THRB: variants seen among roughly 807,000 people sequenced by gnomAD.
THRB encodes nuclear receptor subfamily 1 group A member 2.
Under a neutral mutation model 47.8 loss-of-function variants are expected in THRB, and 12 were observed. That is an observed-to-expected ratio of 0.25 (90% CI 0.16 to 0.41). THRB has a LOEUF of 0.41. THRB is among the 10% of genes least tolerant of loss of function. THRB has a pLI of 1.00. For synonymous variants in THRB, 218 were observed against 212.2 expected (o/e 1.03, Z -0.24); for missense variants, 348 against 589.2 (o/e 0.59, Z 4.24).
intron 4 of THRB, among the ~76,000 whole-genome samples, chr3:24,205,307 G>T (rs111791157): frequency 6.6e-6 from 1 of 152,086 alleles, no homozygotes; most frequent in African/African-American, 2.4e-5. Flanking sequence ...CAGATCTCTC[G>T]GCAGAAACTC....
At chr3:24,370,052 A>G (rs2064788418) in intron 1 of THRB, among the ~76,000 whole-genome samples, 1 of 152,196 alleles carries the variant, frequency 6.6e-6, no homozygotes, top group Non-Finnish European at 1.5e-5. Context: ...GATGAAATAT[A>G]TGTTACTAAA....
At chr3:24,408,338 C>G (rs1258571062) in intron 1 of THRB, among the ~76,000 whole-genome samples, 1 of 151,834 alleles carries the variant, frequency 6.6e-6, no homozygotes, top group Non-Finnish European at 1.5e-5. Flanking sequence ...AAGGGAGTAA[C>G]ATTTGTTTCA....
At chr3:24,194,598 G>GA (rs1346110807) in intron 4 of THRB, among the ~76,000 whole-genome samples, 2 of 152,294 alleles carry the variant, frequency 1.3e-5, no homozygotes, top group Non-Finnish European at 2.9e-5. Flanking sequence ...GTTTAGGCTT[G>GA]AATGATTAGG....
intron 1 of THRB, among the ~76,000 whole-genome samples, chr3:24,451,584 A>G (rs2072660922): frequency 6.6e-6 from 1 of 152,160 alleles, no homozygotes; most frequent in Non-Finnish European, 1.5e-5. Context: ...AGAAGGAAGC[A>G]TTCCTGGTTC....
chr3:24,203,601 T>C (rs1220886473), intron 4 of THRB, among the ~76,000 whole-genome samples: 2 of 152,182 alleles, frequency 1.3e-5, no homozygotes, highest in Admixed American at 1.3e-4. Context: ...ATGGGTGATT[T>C]CTGCATTTCC....
chr3:24,349,545 A>G (rs2063231452), intron 1 of THRB, among the ~76,000 whole-genome samples: 2 of 152,120 alleles, frequency 1.3e-5, no homozygotes, highest in Admixed American at 1.3e-4. Flanking sequence ...AAAAACAGAA[A>G]CACATATACC....
In THRB at chr3:24,168,490, A is replaced by ATATATATATATATATATATATATATAT. The variant is rs1559499553; in HGVS notation, c.284-16001_284-16000insATATATATATATATATATATATATATA. ...TCCGATTAGAAGTGTTTCAATCAAT[A>ATATATATATATATATATATATATATAT]ATATATATATATATATATATGCGCC... is the stretch of plus-strand genomic sequence containing the variant. On this transcript the variant is annotated intron_variant, in intron 5 of 10. Coordinates refer to ENST00000646209, the MANE Select transcript of THRB (RefSeq NM_001354712.2). Among the ~76,000 whole-genome samples, 1,024 of 137,702 alleles carry ATATATATATATATATATATATATATAT rather than the reference A, an allele frequency of 7.4e-3. 30 individuals are homozygous for ATATATATATATATATATATATATATAT. The highest frequency in any genetic ancestry group is 0.015 in the Middle Eastern group (4 of 264). 90.3% of individuals were successfully genotyped at this position (137,702 alleles called of 152,430 possible). A position where few individuals can be genotyped will look rare whatever the true frequency, so the allele number is the denominator to read the frequency against.
At chr3:24,479,827 T>C (rs544195108) in intron 1 of THRB, among the ~76,000 whole-genome samples, 5 of 152,168 alleles carry the variant, frequency 3.3e-5, no homozygotes, top group Non-Finnish European at 7.3e-5. Context: ...CACCACCTTG[T>C]CTTCTGACTG....
chr3:24,142,659 GA>G (rs2035595118), intron 8 of THRB, among the ~76,000 whole-genome samples: 1 of 152,256 alleles, frequency 6.6e-6, no homozygotes, highest in African/African-American at 2.4e-5. Context: ...GTCAGTCTCT[GA>G]GATGGTCCAG....
At chr3:24,432,124 G>T (rs1320030663) in intron 1 of THRB, among the ~76,000 whole-genome samples, 2 of 151,756 alleles carry the variant, frequency 1.3e-5, no homozygotes, top group Non-Finnish European at 1.5e-5. Flanking sequence ...GCTTCATGGG[G>T]GATTTATTCC....
chr3:24,312,636 CT>C (rs1437094485), intron 2 of THRB, among the ~76,000 whole-genome samples: 1 of 152,094 alleles, frequency 6.6e-6, no homozygotes, highest in Non-Finnish European at 1.5e-5. Context: ...TTTTCACATT[CT>C]TTTTTTCTCT....
At chr3:24,209,635 C>T (rs920785273) in intron 4 of THRB, among the ~76,000 whole-genome samples, 5 of 152,156 alleles carry the variant, frequency 3.3e-5, no homozygotes, top group South Asian at 2.1e-4. Flanking sequence ...TGAGTACACT[C>T]GGACACAGGA....
At chr3:24,467,053 T>C (rs1241248780) in intron 1 of THRB, among the ~76,000 whole-genome samples, 1 of 152,272 alleles carries the variant, frequency 6.6e-6, no homozygotes, top group East Asian at 1.9e-4. Flanking sequence ...GCCACTGCTA[T>C]ATCAACTAAG....
intron 4 of THRB, among the ~76,000 whole-genome samples, chr3:24,217,647 T>C (rs921310634): frequency 1.3e-5 from 2 of 152,290 alleles, no homozygotes; most frequent in African/African-American, 4.8e-5. Context: ...ACACATTTTA[T>C]TGGCAGTAGT....
chr3:24,255,226 T>C (rs962109501), intron 3 of THRB, among the ~76,000 whole-genome samples: 8 of 152,320 alleles, frequency 5.3e-5, no homozygotes, highest in African/African-American at 1.9e-4. Context: ...TGTCTATCCA[T>C]GTATCTACTC....
intron 4 of THRB, among the ~76,000 whole-genome samples, chr3:24,195,310 G>A (rs1057461280): frequency 6.6e-6 from 1 of 152,142 alleles, no homozygotes; most frequent in East Asian, 1.9e-4. Flanking sequence ...ATTAAGAGAA[G>A]CACTTCACCT....
At chr3:24,457,964 A>G (rs1264505147) in intron 1 of THRB, 3 of 152,148 alleles carry the variant, frequency 2.0e-5, no homozygotes, top group African/African-American at 4.8e-5. Flanking sequence ...CTTCTCAAAC[A>G]TGAATGAATC....
chr3:24,312,983 G>A (rs2057855410), intron 2 of THRB, among the ~76,000 whole-genome samples: 1 of 152,196 alleles, frequency 6.6e-6, no homozygotes, highest in Non-Finnish European at 1.5e-5. Flanking sequence ...AATGGAGATG[G>A]TGGGAGTGTG....
chr3:24,143,453 G>C (rs776169584), intron 8 of THRB, 48 bp downstream of exon 8: 20 of 1,573,518 alleles, frequency 1.3e-5, no homozygotes, highest in South Asian at 1.2e-4. Context: ...AATTGAGGTA[G>C]AAAACACTGG....
Sources: gnomAD v4.1 joint callset for allele counts (sites outside exome capture counted in the v4.1 genomes callset) on GRCh38, gnomAD v4.1.1 for gene constraint, MANE v1.5 for transcripts, NCBI Gene and HGNC (gene_info 2026-07-23, HGNC 2026-07-21) for gene names.